Variants in DRG1 observed in about 807,000 individuals in gnomAD.
DRG1 encodes the protein developmentally-regulated GTP-binding protein 1.
In DRG1, 19 loss-of-function variants were observed where a neutral mutation model predicts 38.8. The ratio of observed to expected loss-of-function variants is 0.49; its 90% CI spans 0.34 to 0.72. The LOEUF is 0.72. DRG1 is among the 30% of genes least tolerant of loss of function. The probability of loss-of-function intolerance (pLI) is 0.01; values close to 1 mark genes in which losing one functional copy is unlikely to be tolerated. For missense variants in DRG1, 299 were observed against 444.8 expected, an observed-to-expected ratio of 0.67 and a Z score of 2.95; for synonymous variants, 167 against 157.5, an observed-to-expected ratio of 1.06 and a Z score of -0.45.
At position 31,400,748 on chromosome 22, in the gene DRG1, G is replaced by C; in HGVS notation, c.166+5G>C. 6.2e-7 allele frequency: 1 copy of C among 1,610,222 alleles called. No individual in the cohort carries two copies. Among genetic ancestry groups the C allele is most frequent in the Admixed American group, 1.7e-5 (1 of 59,832 alleles). On this transcript the variant is annotated splice_donor_5th_base_variant and intron_variant, in intron 2 of 8. Transcript: ENST00000331457. ...GTGGTGGAGGTCCAGGAGAAGGTTT[G>C]TGTTCTTCTTCAATATATATATTTT...
At chr22:31,402,684 A>C (rs1338617141) in intron 2 of DRG1, among the ~76,000 whole-genome samples, 1 of 151,698 alleles carries the variant, frequency 6.6e-6, no homozygotes, top group African/African-American at 2.4e-5. Context: ...TAATTTTTGT[A>C]TTTTTTGTAG....
At chr22:31,431,035 C>CCCCCCCCCT (rs2050136481) in intron 8 of DRG1, among the ~76,000 whole-genome samples, 1 of 56,764 alleles carries the variant, frequency 1.8e-5, no homozygotes, top group Non-Finnish European at 3.2e-5. Flanking sequence ...CCCCCCCCCG[C>CCCCCCCCCT]TTTTTTTTTT....
intron 8 of DRG1, among the ~76,000 whole-genome samples, chr22:31,431,285 C>T (rs925316424): frequency 1.3e-4 from 20 of 152,002 alleles, no homozygotes; most frequent in Admixed American, 5.9e-4. Context: ...CTGTCCACCT[C>T]GGCCCCCCAA....
At chr22:31,419,061 C>T (rs890168414) in intron 4 of DRG1, among the ~76,000 whole-genome samples, 5 of 152,010 alleles carry the variant, frequency 3.3e-5, no homozygotes, top group Admixed American at 6.6e-5. Context: ...GTGATCTTCT[C>T]GCTTCAGCCT....
Position 31,433,878 on chromosome 22 carries a change from G to C in DRG1, c.1011G>C (p.Leu337=). 6.2e-7 allele frequency: 1 copy of C among 1,613,970 alleles called. No homozygotes were observed. Among genetic ancestry groups the C allele is most frequent in the Non-Finnish European group, 8.5e-7 (1 of 1,179,876 alleles). The change falls in exon 9 of 9, where the codon CTG becomes CTC. Residue 337 remains leucine, a synonymous_variant. Coordinates refer to ENST00000331457, the MANE Select transcript of DRG1 (RefSeq NM_004147.4). ...KNLIKEFKYA[L]VWGLSVKHNP... ...CTTTTTCCCTTCCATGCAGTGCTCT[G>C]GTCTGGGGTCTCTCTGTGAAACACA...
At chr22:31,406,165 C>A (rs982737746) in intron 3 of DRG1, among the ~76,000 whole-genome samples, 1 of 151,598 alleles carries the variant, frequency 6.6e-6, no homozygotes, top group African/African-American at 2.4e-5. Context: ...CCATGCCCGA[C>A]TAATTTTTGT....
intron 8 of DRG1, among the ~76,000 whole-genome samples, chr22:31,428,101 T>C (rs1569051842): frequency 2.0e-5 from 3 of 152,332 alleles, no homozygotes; most frequent in East Asian, 3.9e-4. Flanking sequence ...ATTCACCTGC[T>C]TCAGCCTCCC....
chr22:31,400,077 C>T (rs986984857), intron 1 of DRG1, among the ~76,000 whole-genome samples: 1 of 152,032 alleles, frequency 6.6e-6, no homozygotes, highest in Non-Finnish European at 1.5e-5. Flanking sequence ...GAATCCTGTC[C>T]CTTATTCCAT....
At chr22:31,408,941 G>A (rs934876530) in intron 3 of DRG1, among the ~76,000 whole-genome samples, 6 of 151,870 alleles carry the variant, frequency 4.0e-5, no homozygotes, top group Non-Finnish European at 8.8e-5. Flanking sequence ...TTATAATTTT[G>A]CTGAGATGTA....
chr22:31,423,967 G>A (rs1321941717), intron 6 of DRG1, among the ~76,000 whole-genome samples: 1 of 149,948 alleles, frequency 6.7e-6, no homozygotes, highest in African/African-American at 2.5e-5. Context: ...AGGTTCAAGC[G>A]ATTCTCCTCC....
At chr22:31,409,584 T>G (rs2050007612) in intron 3 of DRG1, among the ~76,000 whole-genome samples, 1 of 152,200 alleles carries the variant, frequency 6.6e-6, no homozygotes, top group Non-Finnish European at 1.5e-5. Flanking sequence ...GAGTTGGGGA[T>G]TTGCAGAAAT....
intron 2 of DRG1, among the ~76,000 whole-genome samples, chr22:31,402,177 A>C (rs2049965377): frequency 6.6e-6 from 1 of 152,178 alleles, no homozygotes; most frequent in African/African-American, 2.4e-5. Flanking sequence ...TAGGAAAAAT[A>C]AGTCGAAGCC....
chr22:31,424,099 G>A (rs1243700539), intron 6 of DRG1, among the ~76,000 whole-genome samples: 1 of 151,570 alleles, frequency 6.6e-6, no homozygotes, highest in Non-Finnish European at 1.5e-5. Flanking sequence ...CCTGACCTCA[G>A]GTGATCCACC....
At position 31,410,968 on chromosome 22, in the gene DRG1, C is replaced by T. The variant is rs754673913; in HGVS notation, c.343-44C>T. 7 of 1,591,576 alleles carry T rather than the reference C, an allele frequency of 4.4e-6. No individual in the cohort carries two copies. The African/African-American group carries it at 5.4e-5, about 12-fold the overall frequency. On this transcript the variant is annotated intron_variant, in intron 3 of 8. Coordinates refer to ENST00000331457, the MANE Select transcript of DRG1 (RefSeq NM_004147.4). ...CTGTTTGATATTTTCAAATTTATAA[C>T]CAGTTTTTTCTTTCATCCTCTTCCC...
At chr22:31,403,824 G>A (rs1458914672) in intron 3 of DRG1, among the ~76,000 whole-genome samples, 1 of 152,012 alleles carries the variant, frequency 6.6e-6, no homozygotes, top group East Asian at 2.0e-4. Context: ...CTGGTCAGGT[G>A]CCCATGCAGA....
intron 2 of DRG1, among the ~76,000 whole-genome samples, chr22:31,402,410 C>T (rs968618009): frequency 2.6e-5 from 4 of 152,046 alleles, no homozygotes; most frequent in Admixed American, 2.6e-4. Context: ...TATAAAAGGG[C>T]AGCTCCTCCA....
In DRG1 at chr22:31,434,346, A is replaced by C; in HGVS notation, c.*375A>C. 5.0e-6 allele frequency: 1 copy of C among 200,466 alleles called. No homozygotes were observed. Among genetic ancestry groups the C allele is most frequent in the Non-Finnish European group, 1.0e-5 (1 of 98,472 alleles). The allele number at this position is 200,466 out of a possible 1,614,324, so 12.4% of individuals were successfully genotyped here. ...TCTTACTTGATGTTTACTTATGGGA[A>C]CCCCTTCCAAACTAGATATGGCTTT... On this transcript the variant is annotated 3_prime_UTR_variant, in exon 9 of 9. Coordinates refer to ENST00000331457, the MANE Select transcript of DRG1 (RefSeq NM_004147.4).
At chr22:31,420,880 A>G (rs2050073050) in intron 5 of DRG1, among the ~76,000 whole-genome samples, 1 of 152,256 alleles carries the variant, frequency 6.6e-6, no homozygotes, top group Admixed American at 6.5e-5. Context: ...TGTATTCGTC[A>G]ATGATAAATA....
intron 6 of DRG1, 43 bp from the exon 7 acceptor site, chr22:31,426,572 A>C (rs771557519): frequency 4.2e-5 from 65 of 1,557,050 alleles, no homozygotes; most frequent in Non-Finnish European, 5.5e-5. Context: ...CAGTTCTGTC[A>C]ACAACTCCAG....
Sources: allele counts gnomAD v4.1 joint callset (sites outside exome capture counted in the v4.1 genomes callset), GRCh38; gene constraint gnomAD v4.1.1; transcripts MANE v1.5; gene names NCBI Gene and HGNC (gene_info 2026-07-23, HGNC 2026-07-21).